Variants in LRRIQ1 observed in about 807,000 individuals in gnomAD.
LRRIQ1 encodes the protein leucine rich repeats and IQ motif containing 1.
Under a neutral mutation model 211.9 loss-of-function variants are expected in LRRIQ1, and 210 were observed. The observed-to-expected ratio is 0.99, with a 90% CI of 0.89 to 1.11. The LOEUF (loss-of-function observed/expected upper bound fraction) is 1.11. LRRIQ1 is among the 50% of genes most tolerant of loss of function. The pLI is 0.00. For synonymous variants in LRRIQ1, 699 were observed against 650.1 expected, an observed-to-expected ratio of 1.08 and a Z score of -1.14; for missense variants, 2,136 against 1,939.5, an observed-to-expected ratio of 1.10 and a Z score of -1.90.
chr12:85,272,563 A>C, the LRRIQ1 span, among the ~76,000 whole-genome samples: 1 of 152,216 alleles, frequency 6.6e-6, no homozygotes, highest in Non-Finnish European at 1.5e-5. Flanking sequence ...AAGAAATGGA[A>C]ATAAATGTAT....
intron 13 of LRRIQ1, among the ~76,000 whole-genome samples, chr12:85,099,312 C>G (rs1886161426): frequency 6.6e-6 from 1 of 151,708 alleles, no homozygotes; most frequent in Admixed American, 6.6e-5. Flanking sequence ...TTGGAAAATA[C>G]AGGAGGTAGT....
In LRRIQ1 at chr12:85,198,793, T is replaced by C. The variant is rs1427200291; in HGVS notation, c.4823-30724T>C. Among the ~76,000 whole-genome samples, 3 of 152,160 alleles carry C rather than the reference T, an allele frequency of 2.0e-5. No individual in the cohort carries two copies. The East Asian group carries it at 5.8e-4, about 30-fold the overall frequency. On this transcript the variant is annotated intron_variant, in intron 24 of 26. Coordinates refer to ENST00000393217, the MANE Select transcript of LRRIQ1 (RefSeq NM_001079910.2). ...CCATGTTAGCCAGAATGGTCTTGAT[T>C]TGCTGACCTCGTGATCCACCCGCCT... is the stretch of plus-strand genomic sequence containing the variant.
At position 85,229,622 on chromosome 12, in the gene LRRIQ1, A is replaced by G. The variant is rs1158210559; in HGVS notation, c.4928A>G (p.Glu1643Gly). The G allele has an allele frequency of 1.2e-6, 2 of 1,612,228 alleles. No homozygotes were observed. Among genetic ancestry groups the G allele is most frequent in the African/African-American group, 2.7e-5 (2 of 74,786 alleles). Reference sequence around the variant, plus strand: ...CTTCACACACAGGTTGGGGTTCATGAAACGACTAGTTCCAGAAATATGAAA... The same window carrying G: ...CTTCACACACAGGTTGGGGTTCATGGAACGACTAGTTCCAGAAATATGAAA... Reference protein sequence around the residue: ...QWLHTQVGVHETTSSRNMKCN... With the variant: ...QWLHTQVGVHGTTSSRNMKCN... The change falls in exon 25 of 27, where the codon GAA (glutamate) becomes GGA (glycine). Residue 1643 changes from glutamate (E) to glycine (G), a missense_variant. Physicochemically the swap from Glu to Gly is moderately conservative, Grantham distance 98. Coordinates refer to ENST00000393217, the MANE Select transcript of LRRIQ1 (RefSeq NM_001079910.2).
intron 24 of LRRIQ1, among the ~76,000 whole-genome samples, chr12:85,224,739 TG>T (rs945136940): frequency 3.5e-5 from 1 of 28,820 alleles, no homozygotes; most frequent in Non-Finnish European, 6.7e-5. Flanking sequence ...TGTTGAGGGG[TG>T]GGGGGGCTAG....
intron 9 of LRRIQ1, among the ~76,000 whole-genome samples, 189 bp downstream of exon 9, chr12:85,065,603 A>G (rs145644514): frequency 6.6e-6 from 1 of 151,836 alleles, no homozygotes; most frequent in African/African-American, 2.4e-5. Flanking sequence ...GATACAACCT[A>G]AAATGACCTA....
chr12:85,118,551 G>C (rs1887744706), intron 15 of LRRIQ1, among the ~76,000 whole-genome samples: 1 of 115,330 alleles, frequency 8.7e-6, no homozygotes. Context: ...TCTATCTCTT[G>C]TAATTATTTT....
rs60205124 is a variant in LRRIQ1, at chr12:85,203,936, A to G, written c.4823-25581A>G. 0.018 allele frequency among the ~76,000 whole-genome samples: 2,679 copies of G among 152,158 alleles called. 134 individuals are homozygous for G. In the East Asian group the frequency reaches 0.2, roughly 11 times the overall value. Reference sequence around the variant, plus strand: ...GACCCAAATGTTAACCCCCAAGACAATGGGGAAAATGTCTCCAGGGCATGT... The same window carrying G: ...GACCCAAATGTTAACCCCCAAGACAGTGGGGAAAATGTCTCCAGGGCATGT... On this transcript the variant is annotated intron_variant, in intron 24 of 26. Transcript: ENST00000393217.
At chr12:85,217,908 T>C (rs990531967) in intron 24 of LRRIQ1, among the ~76,000 whole-genome samples, 2 of 151,378 alleles carry the variant, frequency 1.3e-5, no homozygotes, top group Non-Finnish European at 2.9e-5. Context: ...ATTATGCTAT[T>C]GAGCGGGCCC....
At chr12:85,250,638 G>T in intron 1 of LRRIQ1, among the ~76,000 whole-genome samples, 1 of 149,284 alleles carries the variant, frequency 6.7e-6, no homozygotes, top group Non-Finnish European at 1.5e-5. Context: ...TACTCAGGAA[G>T]CTGAGGTAGG....
Position 85,183,192 on chromosome 12 carries a change from A to G in LRRIQ1, c.4822+22478A>G, listed in dbSNP as rs1892067323. ...TAATCATATAGAAAAGTATTTGGAAATATAGCACACTTGTATTTGATGCAG... is the reference window on the plus strand; with the variant it reads ...TAATCATATAGAAAAGTATTTGGAAGTATAGCACACTTGTATTTGATGCAG... On this transcript the variant is annotated intron_variant, in intron 24 of 26. Transcript: ENST00000393217. Among the ~76,000 whole-genome samples, 3 of 152,186 alleles carry G rather than the reference A, an allele frequency of 2.0e-5. No homozygotes were observed. In the South Asian group the frequency reaches 6.2e-4, roughly 31 times the overall value.
intron 5 of LRRIQ1, among the ~76,000 whole-genome samples, chr12:85,046,413 T>C (rs1317297157): frequency 6.6e-6 from 1 of 152,162 alleles, no homozygotes; most frequent in Non-Finnish European, 1.5e-5. Context: ...AACTATCTCT[T>C]AATGACACAC....
chr12:85,230,671 A>T (rs531851898), intron 25 of LRRIQ1, among the ~76,000 whole-genome samples: 214 of 152,214 alleles, frequency 1.4e-3, no homozygotes, highest in Non-Finnish European at 2.7e-3. Context: ...TCCAGAGATG[A>T]TATTTTTACA....
intron 19 of LRRIQ1, among the ~76,000 whole-genome samples, chr12:85,151,334 T>C (rs1421446648): frequency 6.6e-6 from 1 of 151,616 alleles, no homozygotes; most frequent in Non-Finnish European, 1.5e-5. Context: ...TAGGCCTGCC[T>C]TTCCAATGGT....
intron 23 of LRRIQ1, among the ~76,000 whole-genome samples, chr12:85,158,567 T>G (rs921531679): frequency 1.2e-4 from 18 of 152,000 alleles, no homozygotes; most frequent in African/African-American, 4.3e-4. Flanking sequence ...AATGCTTAAC[T>G]AAAATTATAT....
chr12:85,249,691 TTCCTA>T (rs1157721498), downstream of LRRIQ1, among the ~76,000 whole-genome samples: 23 of 151,952 alleles, frequency 1.5e-4, no homozygotes, highest in African/African-American at 5.6e-4. Context: ...ATATCATGTG[TTCCTA>T]TCAGTTTATT....
intron 24 of LRRIQ1, among the ~76,000 whole-genome samples, chr12:85,215,793 A>AT (rs557746809): frequency 9.0e-4 from 137 of 152,300 alleles, no homozygotes; most frequent in African/African-American, 3.2e-3. Context: ...CAGTACAGCA[A>AT]TAAAAAAAGA....
chr12:85,176,277 G>A (rs1316062615), intron 24 of LRRIQ1, among the ~76,000 whole-genome samples: 3 of 152,088 alleles, frequency 2.0e-5, no homozygotes, highest in South Asian at 2.1e-4. Context: ...AATTGTGAAT[G>A]GGAGTTCACT....
chr12:85,121,433 T>C (rs1009268608), intron 15 of LRRIQ1, among the ~76,000 whole-genome samples: 2 of 152,174 alleles, frequency 1.3e-5, no homozygotes, highest in Admixed American at 6.5e-5. Flanking sequence ...AGTTTCCAAG[T>C]TTCAATCTTT....
At chr12:85,221,552 T>C (rs1385157254) in intron 24 of LRRIQ1, among the ~76,000 whole-genome samples, 1 of 152,138 alleles carries the variant, frequency 6.6e-6, no homozygotes, top group Non-Finnish European at 1.5e-5. Flanking sequence ...AAATAAGGAA[T>C]GCAGCGTTGG....
Sources: gnomAD v4.1 joint callset for allele counts (sites outside exome capture counted in the v4.1 genomes callset) on GRCh38, gnomAD v4.1.1 for gene constraint, MANE v1.5 for transcripts, NCBI Gene and HGNC (gene_info 2026-07-23, HGNC 2026-07-21) for gene names.